DNAJC24: variants seen among roughly 807,000 people sequenced by gnomAD.
The protein encoded by DNAJC24 is dnaJ homolog subfamily C member 24.
In DNAJC24, 17 loss-of-function variants were observed where a neutral mutation model predicts 18.0. That is an observed-to-expected ratio of 0.94 (90% CI 0.65 to 1.42). The LOEUF (loss-of-function observed/expected upper bound fraction) is 1.42. Among genes scored for constraint, DNAJC24 ranks in the 40% most tolerant of loss-of-function variants. The pLI is 0.00. For missense variants in DNAJC24, 158 were observed against 175.6 expected (o/e 0.90, Z 0.57); for synonymous variants, 55 against 57.7 (o/e 0.95, Z 0.21).
In DNAJC24 at chr11:31,374,984, A is replaced by T. The variant is rs1280839897; in HGVS notation, c.111+4125A>T. Among the ~76,000 whole-genome samples the T allele has an allele frequency of 1.5e-5, 2 of 133,268 alleles. 1 individual carries two copies. The highest frequency in any genetic ancestry group is 3.5e-5 in the Non-Finnish European group (2 of 57,800). 87.4% of individuals were successfully genotyped at this position (133,268 alleles called of 152,430 possible). ...TTATGCCTTTTTTTAAAAAATTATT[A>T]TTCCTTTTCTGTTACTATCAAGGAA... On this transcript the variant is annotated intron_variant, in intron 2 of 4. Transcript: ENST00000465995.
At chr11:31,370,101 G>T (rs1282336355) in intron 1 of DNAJC24, among the ~76,000 whole-genome samples, 189 bp downstream of exon 1, 1 of 152,158 alleles carries the variant, frequency 6.6e-6, no homozygotes. Context: ...CTCTTCTGGA[G>T]CGTGGAAGAC....
intron 3 of DNAJC24, among the ~76,000 whole-genome samples, chr11:31,420,663 G>C (rs1952795299): frequency 1.3e-5 from 2 of 152,064 alleles, no homozygotes; most frequent in African/African-American, 4.8e-5. Flanking sequence ...TAACAACCTT[G>C]TGAGGAAGAT....
chr11:31,422,021 T>C lies in DNAJC24; in HGVS notation c.251-4266T>C, dbSNP rs561246006. ...CTGCCAGTGTTTTCTTAGATCCCAC[T>C]GTTGAGACAATGGAGCCACAGAATT... On this transcript the variant is annotated intron_variant, in intron 3 of 4. Coordinates refer to ENST00000465995, the MANE Select transcript of DNAJC24 (RefSeq NM_181706.5). 5.0e-4 allele frequency: 212 copies of C among 422,434 alleles called. 4 individuals carry two copies. The highest frequency in any genetic ancestry group is 3.5e-3 in the South Asian group (195 of 55,810). 26.2% of individuals were successfully genotyped at this position (422,434 alleles called of 1,614,324 possible).
intron 3 of DNAJC24, among the ~76,000 whole-genome samples, chr11:31,419,357 C>G (rs1952782267): frequency 6.6e-6 from 1 of 151,942 alleles, no homozygotes; most frequent in South Asian, 2.1e-4. Flanking sequence ...CTGGCTTTAT[C>G]TTGAGTGGGA....
intron 3 of DNAJC24, among the ~76,000 whole-genome samples, chr11:31,421,530 C>T (rs1952804021): frequency 6.6e-6 from 1 of 152,102 alleles, no homozygotes; most frequent in Admixed American, 6.6e-5. Context: ...GATCTTTTGG[C>T]CAGATGGGGT....
chr11:31,413,669 G>A lies in DNAJC24; in HGVS notation c.112-1142G>A, dbSNP rs111472676. ...TTTTAATGATAGATTCATTTTCATG[G>A]TGAGCTTCTCCACACTGCTAAGGAT... is the stretch of plus-strand genomic sequence containing the variant. On this transcript the variant is annotated intron_variant, in intron 2 of 4. Transcript: ENST00000465995. 3.9e-3 allele frequency among the ~76,000 whole-genome samples: 599 copies of A among 152,172 alleles called. 6 individuals are homozygous for A. Among genetic ancestry groups the A allele is most frequent in the African/African-American group, 0.014 (573 of 41,510 alleles).
intron 3 of DNAJC24, among the ~76,000 whole-genome samples, chr11:31,421,276 AAAATT>A (rs1952801456): frequency 6.6e-6 from 1 of 152,228 alleles, no homozygotes; most frequent in Non-Finnish European, 1.5e-5. Flanking sequence ...GTGATGGTTT[AAAATT>A]AAATTACTTG....
chr11:31,408,164 G>T (rs947899015), intron 2 of DNAJC24: 1 of 456,208 alleles, frequency 2.2e-6, no homozygotes, highest in East Asian at 6.9e-5. Context: ...GGACGCATCT[G>T]TCACAGGAAA....
Position 31,430,300 on chromosome 11 carries a change from T to G in DNAJC24, c.349T>G (p.Cys117Gly), listed in dbSNP as rs757778452. Residue 117 changes from cysteine to glycine, a missense_variant, in exon 5 of 5, where the codon TGT (cysteine) becomes GGT (glycine). By Grantham distance (159) the Cys-to-Gly change is radical. Transcript: ENST00000465995. ...GDHSFYLSCR[C>G]GGKYSVSKDE... Reference sequence around the variant, plus strand: ...TCACTCTTTTTATCTGAGTTGCAGATGTGGTGGAAAATACAGTGTTTCCAA... The same window carrying G: ...TCACTCTTTTTATCTGAGTTGCAGAGGTGGTGGAAAATACAGTGTTTCCAA... 3.1e-6 allele frequency: 5 copies of G among 1,610,788 alleles called. No homozygotes were observed. The Admixed American group carries it at 8.3e-5, about 27-fold the overall frequency.
chr11:31,392,837 C>T (rs935967238), intron 2 of DNAJC24, among the ~76,000 whole-genome samples: 8 of 151,678 alleles, frequency 5.3e-5, no homozygotes, highest in East Asian at 2.0e-4. Flanking sequence ...AGCCTCCCGA[C>T]GGGGTTTCAC....
intron 2 of DNAJC24, among the ~76,000 whole-genome samples, chr11:31,376,837 G>A (rs1952320174): frequency 1.3e-5 from 2 of 152,072 alleles, no homozygotes; most frequent in African/African-American, 4.8e-5. Context: ...CTACTGTCTT[G>A]TAATTTTGAA....
chr11:31,409,061 A>G (rs934810954), intron 2 of DNAJC24, among the ~76,000 whole-genome samples: 1 of 152,218 alleles, frequency 6.6e-6, no homozygotes, highest in Non-Finnish European at 1.5e-5. Context: ...GCTTGAAAGT[A>G]ATAAAACAAT....
chr11:31,386,556 C>G (rs1952433042), intron 2 of DNAJC24, among the ~76,000 whole-genome samples: 1 of 151,946 alleles, frequency 6.6e-6, no homozygotes, highest in African/African-American at 2.4e-5. Context: ...GATTCATCAC[C>G]AGCTGACTAA....
intron 3 of DNAJC24, among the ~76,000 whole-genome samples, chr11:31,425,736 G>A (rs543217679): frequency 6.6e-6 from 1 of 152,074 alleles, no homozygotes; most frequent in Admixed American, 6.6e-5. Context: ...TATGGGTTAG[G>A]GCTTCAACAT....
chr11:31,407,886 T>C (rs770696153), intron 2 of DNAJC24, among the ~76,000 whole-genome samples: 2 of 151,254 alleles, frequency 1.3e-5, no homozygotes, highest in Non-Finnish European at 2.9e-5. Flanking sequence ...AGGTGAAGCC[T>C]GATACAAATT....
intron 2 of DNAJC24, among the ~76,000 whole-genome samples, chr11:31,391,805 T>G (rs1416575330): frequency 1.3e-5 from 2 of 152,312 alleles, no homozygotes; most frequent in African/African-American, 2.4e-5. Flanking sequence ...TGCACTCCCA[T>G]GTTTATGACC....
chr11:31,424,138 T>C (rs1315574644), intron 3 of DNAJC24, among the ~76,000 whole-genome samples: 2 of 152,332 alleles, frequency 1.3e-5, no homozygotes, highest in Non-Finnish European at 2.9e-5. Flanking sequence ...TGGATATATA[T>C]GAATGGGTTG....
chr11:31,383,638 A>G (rs1952400449), intron 2 of DNAJC24, among the ~76,000 whole-genome samples: 1 of 152,174 alleles, frequency 6.6e-6, no homozygotes, highest in African/African-American at 2.4e-5. Flanking sequence ...TAGTGCTATT[A>G]CCAGTTACAG....
intron 2 of DNAJC24, chr11:31,408,261 G>A: frequency 4.4e-6 from 2 of 454,024 alleles, no homozygotes; most frequent in Non-Finnish European, 8.9e-6. Flanking sequence ...TCAAATTTTA[G>A]CACGCGTAAC....
Sources: allele counts gnomAD v4.1 joint callset (sites outside exome capture counted in the v4.1 genomes callset), GRCh38; gene constraint gnomAD v4.1.1; transcripts MANE v1.5; gene names NCBI Gene and HGNC (gene_info 2026-07-23, HGNC 2026-07-21).